Variants in ARHGAP24 observed in about 807,000 individuals in gnomAD.
ARHGAP24 encodes Rho GTPase activating protein 24.
Under a neutral mutation model 76.4 loss-of-function variants are expected in ARHGAP24, and 50 were observed. That is an observed-to-expected ratio of 0.65 (90% CI 0.52 to 0.83). The LOEUF is 0.83. Ranked by LOEUF, ARHGAP24 falls within the 40% of genes least tolerant of loss-of-function variation. The pLI, the probability that ARHGAP24 is intolerant of heterozygous loss-of-function variation, is 0.00. For synonymous variants in ARHGAP24, 345 were observed against 323.3 expected, an observed-to-expected ratio of 1.07 and a Z score of -0.72; for missense variants, 930 against 914.2, an observed-to-expected ratio of 1.02 and a Z score of -0.22.
At chr4:85,501,344 G>A (rs11097056) in intron 1 of ARHGAP24, among the ~76,000 whole-genome samples, 102,933 of 152,092 alleles carry the variant, frequency 0.68, 36,448 homozygotes, top group East Asian at 0.86. Flanking sequence ...CCCACCAACA[G>A]TGTAAATGCA....
At chr4:85,853,370 G>A (rs554346661) in intron 3 of ARHGAP24, among the ~76,000 whole-genome samples, 2 of 152,168 alleles carry the variant, frequency 1.3e-5, no homozygotes, top group Admixed American at 6.5e-5. Context: ...GATTTTCCGG[G>A]TACAGTCTGT....
chr4:85,657,556 A>G (rs1165355486), intron 2 of ARHGAP24, among the ~76,000 whole-genome samples: 3 of 152,172 alleles, frequency 2.0e-5, no homozygotes, highest in African/African-American at 7.2e-5. Flanking sequence ...GAGAGGGAAA[A>G]TGGTCAAAAC....
intron 1 of ARHGAP24, among the ~76,000 whole-genome samples, chr4:85,484,221 A>G (rs1722932244): frequency 6.6e-6 from 1 of 152,162 alleles, no homozygotes; most frequent in Non-Finnish European, 1.5e-5. Context: ...CTAGAACTAT[A>G]CATTGTTTAT....
chr4:85,994,398 C>T (rs892205038), intron 8 of ARHGAP24, among the ~76,000 whole-genome samples, 185 bp from the exon 9 acceptor site: 3 of 152,106 alleles, frequency 2.0e-5, no homozygotes, highest in African/African-American at 7.2e-5. Flanking sequence ...TGACACAGTT[C>T]ATGGCACAAA....
At chr4:85,957,859 A>G (rs1738013402) in intron 5 of ARHGAP24, among the ~76,000 whole-genome samples, 1 of 152,218 alleles carries the variant, frequency 6.6e-6, no homozygotes, top group South Asian at 2.1e-4. Flanking sequence ...GGTGTAAACT[A>G]GAAATCTGTC....
At chr4:85,591,030 G>GTTTTTTTTTTTTTTTTTTTTTTTT (rs1560544158) in intron 2 of ARHGAP24, among the ~76,000 whole-genome samples, 1 of 121,854 alleles carries the variant, frequency 8.2e-6, no homozygotes, top group African/African-American at 3.2e-5. Flanking sequence ...AAATCTGCTG[G>GTTTTTTTTTTTTTTTTTTTTTTTT]GTTTTTTTTT....
intron 3 of ARHGAP24, among the ~76,000 whole-genome samples, chr4:85,797,463 G>A (rs1728406779): frequency 6.6e-6 from 1 of 152,230 alleles, no homozygotes; most frequent in Non-Finnish European, 1.5e-5. Context: ...GTGAGCCACT[G>A]CGCCCGGCCG....
At chr4:85,888,992 A>G (rs1733731542) in intron 3 of ARHGAP24, among the ~76,000 whole-genome samples, 1 of 152,172 alleles carries the variant, frequency 6.6e-6, no homozygotes, top group Non-Finnish European at 1.5e-5. Flanking sequence ...TCCATAGGGT[A>G]TATGTATCAC....
Position 85,855,772 on chromosome 4 carries a change from G to GAA in ARHGAP24, c.269-67863_269-67862dup, listed in dbSNP as rs11406317. Among the ~76,000 whole-genome samples, 851 of 140,788 alleles carry GAA rather than the reference G, an allele frequency of 6.0e-3. 5 individuals carry two copies. The highest frequency in any genetic ancestry group is 0.018 in the African/African-American group (708 of 38,382). 92.4% of individuals were successfully genotyped at this position (140,788 alleles called of 152,430 possible). A position where few individuals can be genotyped will look rare whatever the true frequency, so the allele number is the denominator to read the frequency against. On this transcript the variant is annotated intron_variant, in intron 3 of 9. Transcript: ENST00000395184. ...CAGCCTGGGCAATAAAAGCAAAAAA[G>GAA]AAAAAAAAAAAAAAGAATCTGACAC...
rs964434538 is a variant in ARHGAP24, at chr4:85,625,972, G to A, written c.180+55251G>A. ...TTTGAGCCTATGTGTGTCTCTGCAC[G>A]TGAGATGGGTTTCCTGAATACAGCA... On this transcript the variant is annotated intron_variant, in intron 2 of 9. Coordinates refer to ENST00000395184, the MANE Select transcript of ARHGAP24 (RefSeq NM_001025616.3). 3.9e-5 allele frequency among the ~76,000 whole-genome samples: 6 copies of A among 152,110 alleles called. No homozygotes were observed. The East Asian group carries it at 7.7e-4, about 20-fold the overall frequency.
At chr4:85,642,959 C>T (rs1158626474) in intron 2 of ARHGAP24, among the ~76,000 whole-genome samples, 2 of 152,092 alleles carry the variant, frequency 1.3e-5, no homozygotes, top group Non-Finnish European at 2.9e-5. Flanking sequence ...CCTGTGTCTC[C>T]GCCCCTTGAT....
chr4:85,876,956 G>A (rs1198808357), intron 3 of ARHGAP24, among the ~76,000 whole-genome samples: 2 of 149,994 alleles, frequency 1.3e-5, no homozygotes, highest in African/African-American at 4.9e-5. Context: ...AAAAAAAACA[G>A]ACTGAAGCTG....
At chr4:85,562,189 C>A (rs1456415708) in intron 1 of ARHGAP24, among the ~76,000 whole-genome samples, 1 of 152,094 alleles carries the variant, frequency 6.6e-6, no homozygotes, top group Non-Finnish European at 1.5e-5. Flanking sequence ...GATTTGCTTT[C>A]TAAAAGAAAA....
chr4:85,763,107 C>A lies in ARHGAP24; in HGVS notation c.268+41135C>A, dbSNP rs182866124. On this transcript the variant is annotated intron_variant, in intron 3 of 9. Coordinates refer to ENST00000395184, the MANE Select transcript of ARHGAP24 (RefSeq NM_001025616.3). ...TTGGATATATATCCACTGCCTGATTCTTATATTTTATAGTTGCAGGAAGCT... is the reference window on the plus strand; with the variant it reads ...TTGGATATATATCCACTGCCTGATTATTATATTTTATAGTTGCAGGAAGCT... 3.5e-3 allele frequency among the ~76,000 whole-genome samples: 531 copies of A among 152,164 alleles called. 1 individual carries two copies. The highest frequency in any genetic ancestry group is 5.7e-3 in the Non-Finnish European group (386 of 68,002).
chr4:85,833,220 A>G (rs1454694713), intron 3 of ARHGAP24, among the ~76,000 whole-genome samples: 1 of 152,116 alleles, frequency 6.6e-6, no homozygotes, highest in African/African-American at 2.4e-5. Context: ...ACTTCCATTG[A>G]TATGACAATG....
intron 3 of ARHGAP24, among the ~76,000 whole-genome samples, chr4:85,780,263 T>C (rs948738075): frequency 2.6e-5 from 4 of 152,178 alleles, no homozygotes; most frequent in African/African-American, 7.2e-5. Context: ...AACCTCCACC[T>C]CCTGGATTCA....
intron 3 of ARHGAP24, among the ~76,000 whole-genome samples, chr4:85,776,674 ATAATCTATTGTCTATGGCT>A (rs986872268): frequency 6.6e-6 from 1 of 152,110 alleles, no homozygotes; most frequent in Non-Finnish European, 1.5e-5. Context: ...TTCAATACCC[ATAATCTATTGTCTATGGCT>A]CAGCCCACTC....
At chr4:85,828,558 C>A (rs1294504077) in intron 3 of ARHGAP24, among the ~76,000 whole-genome samples, 1 of 151,134 alleles carries the variant, frequency 6.6e-6, no homozygotes, top group Non-Finnish European at 1.5e-5. Flanking sequence ...CCAAATAATA[C>A]GTGCTATCTT....
At chr4:85,757,182 A>G (rs1338666975) in intron 3 of ARHGAP24, among the ~76,000 whole-genome samples, 2 of 149,608 alleles carry the variant, frequency 1.3e-5, no homozygotes, top group Non-Finnish European at 3.0e-5. Context: ...GACACTCACT[A>G]GAGGGCAGCA....
Sources: allele counts gnomAD v4.1 joint callset (sites outside exome capture counted in the v4.1 genomes callset), GRCh38; gene constraint gnomAD v4.1.1; transcripts MANE v1.5; gene names NCBI Gene and HGNC (gene_info 2026-07-23, HGNC 2026-07-21).